The following PRKG1 variants were observed in gnomAD, a reference collection of about 807,000 sequenced individuals.
The protein encoded by PRKG1 is protein kinase cGMP-dependent 1, also known as cGMP-dependent protein kinase 1.
Under a neutral mutation model 88.1 loss-of-function variants are expected in PRKG1, and 35 were observed. The observed-to-expected ratio is 0.40, with a 90% CI of 0.30 to 0.53. PRKG1 has a LOEUF of 0.53. Among genes scored for constraint, PRKG1 ranks in the 20% least tolerant of loss-of-function variants. PRKG1 has a pLI of 0.59. For synonymous variants in PRKG1, 303 were observed against 292.5 expected (o/e 1.04, Z -0.37); for missense variants, 540 against 839.8 (o/e 0.64, Z 4.41).
chr10:52,084,091 C>G (rs11000724), intron 7 of PRKG1, among the ~76,000 whole-genome samples: 3 of 151,922 alleles, frequency 2.0e-5, no homozygotes, highest in African/African-American at 7.2e-5. Flanking sequence ...AGGGAAATAG[C>G]GGATTTTAAT....
chr10:51,713,188 G>A (rs1027438610), intron 3 of PRKG1, among the ~76,000 whole-genome samples: 1 of 152,082 alleles, frequency 6.6e-6, no homozygotes, highest in Admixed American at 6.6e-5. Context: ...AATTTCACCA[G>A]CAGCCACATT....
intron 10 of PRKG1, among the ~76,000 whole-genome samples, chr10:52,264,328 G>A (rs1015414514): frequency 1.3e-5 from 2 of 151,944 alleles, no homozygotes; most frequent in Non-Finnish European, 2.9e-5. Context: ...CCTTTGGCCC[G>A]GTTAATCTAA....
intron 1 of PRKG1, among the ~76,000 whole-genome samples, chr10:51,002,847 C>A (rs1437567300): frequency 6.6e-6 from 1 of 152,092 alleles, no homozygotes; most frequent in Non-Finnish European, 1.5e-5. Context: ...AATGCTATTC[C>A]TTGGCCTCTT....
At chr10:51,882,828 A>C (rs1841470361) in intron 4 of PRKG1, among the ~76,000 whole-genome samples, 1 of 152,206 alleles carries the variant, frequency 6.6e-6, no homozygotes, top group Non-Finnish European at 1.5e-5. Flanking sequence ...ACATGGTCAG[A>C]TATGTATGAG....
At chr10:51,846,610 C>T (rs1197471591) in intron 4 of PRKG1, among the ~76,000 whole-genome samples, 1 of 152,140 alleles carries the variant, frequency 6.6e-6, no homozygotes, top group African/African-American at 2.4e-5. Flanking sequence ...GATCTTCTTT[C>T]TGTATTCATT....
chr10:51,494,785 A>G (rs951100265), intron 3 of PRKG1, among the ~76,000 whole-genome samples: 3 of 152,198 alleles, frequency 2.0e-5, no homozygotes, highest in Non-Finnish European at 4.4e-5. Flanking sequence ...GGTGTTTGTG[A>G]CTTCGAAAAT....
At chr10:51,512,195 T>G (rs1841432928) in intron 3 of PRKG1, among the ~76,000 whole-genome samples, 1 of 146,056 alleles carries the variant, frequency 6.8e-6, no homozygotes, top group African/African-American at 2.6e-5. Context: ...TTTTTTTAGT[T>G]TTTTTTTTTT....
intron 3 of PRKG1, among the ~76,000 whole-genome samples, chr10:51,577,151 C>T (rs1837909564): frequency 6.6e-6 from 1 of 151,850 alleles, no homozygotes; most frequent in Non-Finnish European, 1.5e-5. Flanking sequence ...AAAGCTTTTC[C>T]TGGAGGAACT....
chr10:51,469,862 G>T (rs1840002737), intron 3 of PRKG1, among the ~76,000 whole-genome samples: 1 of 151,842 alleles, frequency 6.6e-6, no homozygotes, highest in Non-Finnish European at 1.5e-5. Context: ...ATATATATCT[G>T]CATTTATAGG....
chr10:51,960,224 A>T (rs1564728941), intron 5 of PRKG1, among the ~76,000 whole-genome samples: 1 of 151,720 alleles, frequency 6.6e-6, no homozygotes, highest in Admixed American at 6.6e-5. Context: ...CTCTTACTTT[A>T]GAACCTCTGA....
chr10:51,505,852 C>T (rs1446022762), intron 3 of PRKG1, among the ~76,000 whole-genome samples: 1 of 151,388 alleles, frequency 6.6e-6, no homozygotes, highest in African/African-American at 2.4e-5. Flanking sequence ...CTATTTGATT[C>T]TTCTCTCTTT....
At chr10:51,874,842 G>T (rs1025443766) in intron 4 of PRKG1, among the ~76,000 whole-genome samples, 1 of 152,084 alleles carries the variant, frequency 6.6e-6, no homozygotes, top group African/African-American at 2.4e-5. Context: ...GTAAAATGAG[G>T]TTAATAATAT....
intron 3 of PRKG1, among the ~76,000 whole-genome samples, chr10:51,570,847 C>T (rs1175786899): frequency 6.6e-6 from 1 of 151,870 alleles, no homozygotes; most frequent in Non-Finnish European, 1.5e-5. Context: ...ACTAGCTATC[C>T]TACAGCCCCA....
intron 14 of PRKG1, among the ~76,000 whole-genome samples, chr10:52,284,811 C>G (rs2132453602): frequency 6.6e-6 from 1 of 152,020 alleles, no homozygotes; most frequent in East Asian, 1.9e-4. Context: ...CCAATTCTGC[C>G]TTTTAAGGCT....
chr10:51,472,504 A>G (rs1008688511), intron 3 of PRKG1, among the ~76,000 whole-genome samples: 4 of 151,976 alleles, frequency 2.6e-5, no homozygotes, highest in Admixed American at 6.6e-5. Context: ...TAAAGGAACA[A>G]AAGACAAGAA....
intron 2 of PRKG1, among the ~76,000 whole-genome samples, chr10:51,382,379 C>G (rs1837130740): frequency 6.6e-6 from 1 of 152,132 alleles, no homozygotes; most frequent in Non-Finnish European, 1.5e-5. Context: ...ATGATTGAGT[C>G]CCATCTGTGA....
chr10:51,645,833 A>G (rs1234578512), intron 3 of PRKG1, among the ~76,000 whole-genome samples: 1 of 152,204 alleles, frequency 6.6e-6, no homozygotes, highest in Middle Eastern at 3.2e-3. Flanking sequence ...TCAGAAAAAA[A>G]TGTATGCTGA....
At chr10:52,060,759 C>T (rs1420786944) in intron 6 of PRKG1, among the ~76,000 whole-genome samples, 1 of 151,836 alleles carries the variant, frequency 6.6e-6, no homozygotes, top group Non-Finnish European at 1.5e-5. Context: ...ATGGAAGATG[C>T]ATATACTTAA....
chr10:51,375,899 C>T (rs888413449), intron 2 of PRKG1, among the ~76,000 whole-genome samples: 2 of 152,190 alleles, frequency 1.3e-5, no homozygotes, highest in Admixed American at 6.5e-5. Flanking sequence ...TTAAGAACCA[C>T]ATGAAAGCTT....
Sources: allele counts gnomAD v4.1 joint callset (sites outside exome capture counted in the v4.1 genomes callset), GRCh38; gene constraint gnomAD v4.1.1; transcripts MANE v1.5; gene names NCBI Gene and HGNC (gene_info 2026-07-23, HGNC 2026-07-21).